The following TMEM38A variants were observed in gnomAD, a reference collection of about 807,000 sequenced individuals.
TMEM38A encodes trimeric intracellular cation channel type A.
A neutral mutation model predicts 28.6 loss-of-function variants in TMEM38A; 17 were observed. The ratio of observed to expected loss-of-function variants is 0.60; its 90% confidence interval spans 0.41 to 0.89. TMEM38A has a LOEUF of 0.89. TMEM38A is among the 40% of genes least tolerant of loss of function. The probability of loss-of-function intolerance (pLI) is 0.00; values close to 1 mark genes in which losing one functional copy is unlikely to be tolerated. For synonymous variants in TMEM38A, 169 were observed against 166.1 expected, an observed-to-expected ratio of 1.02 and a Z score of -0.14; for missense variants, 328 against 393.1, an observed-to-expected ratio of 0.83 and a Z score of 1.40.
Position 16,661,184 on chromosome 19 carries a change from C to A in TMEM38A, c.-34C>A. 7.6e-7 allele frequency: 1 copy of A among 1,314,586 alleles called. No homozygotes were observed. The highest frequency in any genetic ancestry group is 9.8e-7 in the Non-Finnish European group (1 of 1,017,306). The allele number at this position is 1,314,586 out of a possible 1,614,324, so 81.4% of individuals were successfully genotyped here. ...GGCGGGACGGACGAGGCCGGGGCCC[C>A]GGGTGGCACCCGGCAGGCGGGCAGG... On this transcript the variant is annotated 5_prime_UTR_variant, in exon 1 of 6. Transcript: ENST00000187762. The surrounding 1 kb of genome is among the most constrained non-coding windows in gnomAD (Gnocchi z 6.5).
At chr19:16,677,171 A>G (rs1274008018) in intron 1 of TMEM38A, among the ~76,000 whole-genome samples, 1 of 151,612 alleles carries the variant, frequency 6.6e-6, no homozygotes, top group Non-Finnish European at 1.5e-5. Context: ...AATACTTCTT[A>G]TCTTGGAAGA....
chr19:16,662,105 C>A (rs2086684717), intron 1 of TMEM38A, among the ~76,000 whole-genome samples: 1 of 152,096 alleles, frequency 6.6e-6, no homozygotes. Flanking sequence ...ATAAAAGGTT[C>A]ACCGTGAACA....
At chr19:16,669,502 C>T (rs182497409) in intron 1 of TMEM38A, among the ~76,000 whole-genome samples, 9 of 151,948 alleles carry the variant, frequency 5.9e-5, no homozygotes, top group Admixed American at 4.6e-4. Context: ...CCACCACACC[C>T]AGACAAGTTT....
chr19:16,680,425 C>G lies in TMEM38A; in HGVS notation c.310C>G (p.Leu104Val). The G allele has an allele frequency of 6.2e-7, 1 of 1,614,142 alleles. No homozygotes were observed. Among genetic ancestry groups the G allele is most frequent in the Non-Finnish European group, 8.5e-7 (1 of 1,180,022 alleles). Reference protein sequence around the residue: ...WYLIFFCPLDLFYKCVCFLPV... With the variant: ...WYLIFFCPLDVFYKCVCFLPV... ...CTTGATTTTCTTCTGCCCCCTGGAC[C>G]TCTTCTACAAGTGTGTCTGCTTCCT... is the stretch of plus-strand genomic sequence containing the variant. Residue 104 changes from leucine to valine, a missense_variant, in exon 3 of 6, where the codon CTC becomes GTC. Coordinates refer to ENST00000187762, the MANE Select transcript of TMEM38A (RefSeq NM_024074.4).
At position 16,688,774 on chromosome 19, in the gene TMEM38A, CCT is replaced by C; in HGVS notation, c.*404_*405del. ...TTGGGAGGCCGAGGCGGGCAGATCA[CCT>C]GAGGTCAGGAGTTCAAGACCAGCTT... On this transcript the variant is annotated 3_prime_UTR_variant, in exon 6 of 6. Transcript: ENST00000187762. The C allele has an allele frequency of 6.5e-6, 1 of 153,764 alleles. No individual in the cohort carries two copies. The highest frequency in any genetic ancestry group is 1.4e-5 in the Non-Finnish European group (1 of 69,052). The allele number at this position is 153,764 out of a possible 1,614,324, so 9.5% of individuals were successfully genotyped here.
intron 1 of TMEM38A, among the ~76,000 whole-genome samples, chr19:16,678,377 C>T (rs1220245117): frequency 7.0e-6 from 1 of 143,668 alleles, no homozygotes; most frequent in Admixed American, 7.3e-5. Flanking sequence ...TGCAGTGAGC[C>T]GAGATCGCGC....
chr19:16,677,007 C>T (rs1012379909), intron 1 of TMEM38A, among the ~76,000 whole-genome samples: 1 of 150,940 alleles, frequency 6.6e-6, no homozygotes, highest in African/African-American at 2.4e-5. Flanking sequence ...GTGATCCACC[C>T]ACCTCGCCCT....
chr19:16,685,204 T>C (rs1422359815), intron 4 of TMEM38A, among the ~76,000 whole-genome samples: 1 of 152,006 alleles, frequency 6.6e-6, no homozygotes, highest in African/African-American at 2.4e-5. Flanking sequence ...CCGGCCGACA[T>C]GGCGAAACCC....
chr19:16,684,405 A>G (rs2086793430), intron 4 of TMEM38A, among the ~76,000 whole-genome samples: 1 of 151,954 alleles, frequency 6.6e-6, no homozygotes, highest in South Asian at 2.1e-4. Flanking sequence ...GCTTGGTCTC[A>G]GAAGGTTGAA....
chr19:16,688,565 G>A lies in TMEM38A; in HGVS notation c.*194G>A, dbSNP rs2086812048. 2 of 424,018 alleles carry A rather than the reference G, an allele frequency of 4.7e-6. No individual in the cohort carries two copies. Among genetic ancestry groups the A allele is most frequent in the Non-Finnish European group, 8.1e-6 (2 of 247,624 alleles). The allele number at this position is 424,018 out of a possible 1,614,324, so 26.3% of individuals were successfully genotyped here. A position where few individuals can be genotyped will look rare whatever the true frequency, so the allele number is the denominator to read the frequency against. On this transcript the variant is annotated 3_prime_UTR_variant, in exon 6 of 6. Transcript: ENST00000187762. ...GGATGAAGAACTTTTGTAGAAATCG[G>A]GGTTCCCTCTTTCTCTCTGCCAGGA... is the stretch of plus-strand genomic sequence containing the variant.
chr19:16,672,401 C>G (rs1175612051), intron 1 of TMEM38A, among the ~76,000 whole-genome samples: 1 of 149,874 alleles, frequency 6.7e-6, no homozygotes, highest in Non-Finnish European at 1.5e-5. Context: ...TACACTCACA[C>G]TAACGATAGC....
chr19:16,669,741 G>A (rs191848802), intron 1 of TMEM38A, among the ~76,000 whole-genome samples: 9 of 152,048 alleles, frequency 5.9e-5, no homozygotes, highest in Admixed American at 1.3e-4. Context: ...TGAGAGACTC[G>A]GTCAGTACCC....
In TMEM38A at chr19:16,689,053, T is replaced by C. The variant is rs2086814802; in HGVS notation, c.*682T>C. ...TTGACTCCTGAAGAACTTCAAGCCA[T>C]GTTGAGATCCATTCATTTGATGGAC... On this transcript the variant is annotated 3_prime_UTR_variant, in exon 6 of 6. Transcript: ENST00000187762. 1 of 151,300 alleles carries C rather than the reference T, an allele frequency of 6.6e-6. No homozygotes were observed. The highest frequency in any genetic ancestry group is 2.1e-4 in the South Asian group (1 of 4,772). 9.4% of individuals were successfully genotyped at this position (151,300 alleles called of 1,614,324 possible).
intron 1 of TMEM38A, among the ~76,000 whole-genome samples, chr19:16,671,553 G>T (rs982122583): frequency 6.6e-6 from 1 of 151,844 alleles, no homozygotes; most frequent in Non-Finnish European, 1.5e-5. Flanking sequence ...GGCTTGGGGG[G>T]GCAGGCAGTC....
intron 5 of TMEM38A, 37 bp from the exon 6 acceptor site, chr19:16,688,107 T>G: frequency 7.2e-7 from 1 of 1,383,422 alleles, no homozygotes; most frequent in Non-Finnish European, 9.5e-7. Context: ...GGTCTCCCTC[T>G]GTCTCTCTTG....
intron 1 of TMEM38A, among the ~76,000 whole-genome samples, chr19:16,673,397 A>G (rs897066432): frequency 5.9e-5 from 9 of 152,174 alleles, no homozygotes; most frequent in African/African-American, 1.9e-4. Flanking sequence ...TAGCTACTCT[A>G]TGGCACTCCA....
At chr19:16,677,886 A>G (rs1272584428) in intron 1 of TMEM38A, among the ~76,000 whole-genome samples, 2 of 152,080 alleles carry the variant, frequency 1.3e-5, no homozygotes, top group African/African-American at 2.4e-5. Context: ...ACATGCTACA[A>G]TGGGGATGAA....
At chr19:16,674,468 A>G (rs2086741252) in intron 1 of TMEM38A, among the ~76,000 whole-genome samples, 2 of 151,246 alleles carry the variant, frequency 1.3e-5, no homozygotes, top group African/African-American at 2.4e-5. Context: ...AAATTCCATG[A>G]GGGCAGGGAC....
rs1019896918 is a variant in TMEM38A, at chr19:16,689,565, A to C, written c.*1194A>C. The stretch of plus-strand genomic sequence containing the variant: ...ACAGCTGGTTGGGGTTCCACGATCC[A>C]GCTCTATCAAGGGGCTCTGAGTGTG... On this transcript the variant is annotated 3_prime_UTR_variant, in exon 6 of 6. Transcript: ENST00000187762. 6.6e-6 allele frequency: 1 copy of C among 152,236 alleles called. No homozygotes were observed. Among genetic ancestry groups the C allele is most frequent in the African/African-American group, 2.4e-5 (1 of 41,462 alleles). 9.4% of individuals were successfully genotyped at this position (152,236 alleles called of 1,614,324 possible).
Sources: gnomAD v4.1 joint callset for allele counts (sites outside exome capture counted in the v4.1 genomes callset) on GRCh38, gnomAD v4.1.1 for gene constraint, Gnocchi (gnomAD v3.1) non-coding constraint, MANE v1.5 for transcripts, NCBI Gene and HGNC (gene_info 2026-07-23, HGNC 2026-07-21) for gene names.